The following WSCD2 variants were observed in gnomAD, a reference collection of about 807,000 sequenced individuals.
The protein encoded by WSCD2 is WSC domain sialate O sulfotransferase 2, also known as sialate:O-sulfotransferase 2.
In WSCD2, 28 loss-of-function variants were observed where a neutral mutation model predicts 55.7. That is an observed-to-expected ratio of 0.50 (90% CI 0.37 to 0.69). The LOEUF (loss-of-function observed/expected upper bound fraction) is 0.69. Ranked by LOEUF, WSCD2 falls within the 30% of genes least tolerant of loss-of-function variation. The probability of loss-of-function intolerance (pLI) is 0.00; values close to 1 mark genes in which losing one functional copy is unlikely to be tolerated. For synonymous variants in WSCD2, 301 were observed against 301.9 expected (o/e 1.00, Z 0.03); for missense variants, 616 against 762.1 (o/e 0.81, Z 2.26).
At chr12:108,239,187 C>T (rs1300404548) in intron 7 of WSCD2, among the ~76,000 whole-genome samples, 1 of 152,226 alleles carries the variant, frequency 6.6e-6, no homozygotes, top group Admixed American at 6.5e-5. Context: ...TGCATTCTCT[C>T]TGCAGTCACT....
intron 8 of WSCD2, among the ~76,000 whole-genome samples, chr12:108,240,889 G>A (rs1285158123): frequency 6.6e-6 from 1 of 152,192 alleles, no homozygotes; most frequent in Non-Finnish European, 1.5e-5. Context: ...AACTTACATG[G>A]CCCCATCTAT....
rs539075510 is a variant in WSCD2 at position 108,214,462 on chromosome 12, G to A, written c.682+4157G>A. ...TCTTTGCCCTTGTTACAAAAGAACT[G>A]AGAAATGGACTTCTTTCTTGGTCAG... On this transcript the variant is annotated intron_variant, in intron 4 of 8. Coordinates refer to ENST00000547525, the MANE Select transcript of WSCD2 (RefSeq NM_014653.4). Among the ~76,000 whole-genome samples the A allele has an allele frequency of 4.3e-4, 65 of 152,352 alleles. 1 individual carries two copies. In the East Asian group the frequency reaches 0.011, roughly 25 times the overall value.
chr12:108,131,155 T>C (rs550829545), intron 1 of WSCD2, among the ~76,000 whole-genome samples: 2 of 152,166 alleles, frequency 1.3e-5, no homozygotes, highest in African/African-American at 4.8e-5. Flanking sequence ...GGCGTCAGAA[T>C]CTGGTGCTTG....
intron 1 of WSCD2, among the ~76,000 whole-genome samples, chr12:108,150,758 G>A (rs567952694): frequency 2.8e-4 from 43 of 152,252 alleles, no homozygotes; most frequent in South Asian, 1.2e-3. Flanking sequence ...GACTGCCCCC[G>A]CACACAAGTC....
intron 1 of WSCD2, among the ~76,000 whole-genome samples, chr12:108,166,765 C>CTT (rs1468208893): frequency 8.3e-6 from 1 of 120,244 alleles, no homozygotes; most frequent in East Asian, 2.3e-4. Flanking sequence ...TCTTTCTTTT[C>CTT]TTTCTTTCTT....
Position 108,240,557 on chromosome 12 carries a change from A to AGAGGAGGGGAGGGGAGGG in WSCD2, c.1345+18_1345+35dup. The AGAGGAGGGGAGGGGAGGG allele has an allele frequency of 1.3e-6, 1 of 779,004 alleles. No homozygotes were observed. The highest frequency in any genetic ancestry group is 1.8e-6 in the Non-Finnish European group (1 of 569,738). The allele number at this position is 779,004 out of a possible 1,614,324, so 48.3% of individuals were successfully genotyped here. On this transcript the variant is annotated intron_variant, in intron 8 of 8. Coordinates refer to ENST00000547525, the MANE Select transcript of WSCD2 (RefSeq NM_014653.4). ...TGGAAGGGCAAAGGTACAGCTCGGG[A>AGAGGAGGGGAGGGGAGGG]GAGGAGGGGAGGGGAGGGGAGGGGC...
intron 1 of WSCD2, among the ~76,000 whole-genome samples, chr12:108,152,104 A>G (rs1878064996): frequency 6.6e-6 from 1 of 152,202 alleles, no homozygotes; most frequent in Non-Finnish European, 1.5e-5. Flanking sequence ...CCCCCCGGGA[A>G]ACGCTCAGAG....
chr12:108,141,926 A>G (rs2136883264), intron 1 of WSCD2, among the ~76,000 whole-genome samples: 1 of 152,298 alleles, frequency 6.6e-6, no homozygotes, highest in South Asian at 2.1e-4. Context: ...TCAACTTGAG[A>G]TGGGAGCCTA....
intron 2 of WSCD2, among the ~76,000 whole-genome samples, chr12:108,205,914 T>G (rs998711733): frequency 2.0e-5 from 3 of 152,196 alleles, no homozygotes; most frequent in Admixed American, 1.3e-4. Flanking sequence ...TTAAGGCAGC[T>G]TGTAGAGATA....
Position 108,248,474 on chromosome 12 carries a change from C to T in WSCD2, c.*131C>T, listed in dbSNP as rs1311345564. On this transcript the variant is annotated 3_prime_UTR_variant, in exon 9 of 9. Coordinates refer to ENST00000547525, the MANE Select transcript of WSCD2 (RefSeq NM_014653.4). The surrounding 1 kb of genome is among the most constrained non-coding windows in gnomAD (Gnocchi z 4.3). The stretch of plus-strand genomic sequence containing the variant: ...GACAATCCCCTTGGCTGCTCTTTGC[C>T]TTCAATGAGTTTCCTGCATGACAGA... The T allele has an allele frequency of 7.0e-7, 1 of 1,437,644 alleles. No individual in the cohort carries two copies. Among genetic ancestry groups the T allele is most frequent in the Non-Finnish European group, 9.1e-7 (1 of 1,098,540 alleles). 89.1% of individuals were successfully genotyped at this position (1,437,644 alleles called of 1,614,324 possible).
Position 108,195,952 on chromosome 12 carries a change from G to A in WSCD2, c.120G>A (p.Val40=). The A allele has an allele frequency of 6.2e-7, 1 of 1,614,166 alleles. No homozygotes were observed. Among genetic ancestry groups the A allele is most frequent in the Non-Finnish European group, 8.5e-7 (1 of 1,180,014 alleles). The change falls in exon 2 of 9, where the codon GTG becomes GTA. Residue 40 remains valine (V), a synonymous_variant. Coordinates refer to ENST00000547525, the MANE Select transcript of WSCD2 (RefSeq NM_014653.4). ...TTGTCTTCCTTCACTCTGGCTTTGT[G>A]GGCCAGCCCGCTGTCTCGGGGAACC... is the stretch of plus-strand genomic sequence containing the variant. The part of the protein sequence containing the change: ...GSLVFLHSGF[V]GQPAVSGNQA...
At chr12:108,242,016 A>C (rs1889785204) in intron 8 of WSCD2, among the ~76,000 whole-genome samples, 1 of 152,148 alleles carries the variant, frequency 6.6e-6, no homozygotes, top group Non-Finnish European at 1.5e-5. Flanking sequence ...GGTGGCTATG[A>C]ATCACCCAGT....
intron 1 of WSCD2, among the ~76,000 whole-genome samples, chr12:108,167,802 G>A (rs1266210694): frequency 2.6e-5 from 4 of 152,178 alleles, no homozygotes; most frequent in South Asian, 2.1e-4. Flanking sequence ...TGAACCAATC[G>A]CTGTGGTAGG....
chr12:108,138,217 G>A (rs745989637), intron 1 of WSCD2, among the ~76,000 whole-genome samples: 18 of 152,156 alleles, frequency 1.2e-4, no homozygotes, highest in Non-Finnish European at 2.6e-4. Flanking sequence ...GCCAGCATGC[G>A]GGAAGACCCA....
At chr12:108,222,933 A>T (rs1427543745) in intron 4 of WSCD2, among the ~76,000 whole-genome samples, 8 of 152,352 alleles carry the variant, frequency 5.3e-5, no homozygotes, top group South Asian at 2.1e-4. Context: ...ATATTAAGAG[A>T]TTTATTTTAA....
intron 1 of WSCD2, among the ~76,000 whole-genome samples, chr12:108,185,793 G>A (rs1308321734): frequency 9.9e-5 from 15 of 152,056 alleles, no homozygotes; most frequent in East Asian, 1.9e-4. Flanking sequence ...CAGCAGAACC[G>A]TCCATTATCT....
chr12:108,186,644 T>TGCA (rs1357337529), intron 1 of WSCD2, among the ~76,000 whole-genome samples: 1 of 152,260 alleles, frequency 6.6e-6, no homozygotes, highest in East Asian at 1.9e-4. Flanking sequence ...CTTGATAATA[T>TGCA]GCATTTAAGT....
chr12:108,224,709 T>A (rs1440951095), intron 4 of WSCD2, 30 bp from the exon 5 acceptor site: 1 of 1,602,210 alleles, frequency 6.2e-7, no homozygotes, highest in South Asian at 1.1e-5. Context: ...CTTGTATATC[T>A]GACTAGTCCT....
chr12:108,207,508 T>TCTG (rs1885547365), intron 3 of WSCD2, among the ~76,000 whole-genome samples: 1 of 146,718 alleles, frequency 6.8e-6, no homozygotes, highest in South Asian at 2.2e-4. Context: ...TAGCTGGGAC[T>TCTG]ACAGGCGCAT....
Sources: allele counts gnomAD v4.1 joint callset (sites outside exome capture counted in the v4.1 genomes callset), GRCh38; gene constraint gnomAD v4.1.1; non-coding constraint Gnocchi (gnomAD v3.1); transcripts MANE v1.5; gene names NCBI Gene and HGNC (gene_info 2026-07-23, HGNC 2026-07-21).